The following WRNIP1 variants were observed in gnomAD, a reference collection of about 807,000 sequenced individuals.
WRNIP1 encodes the protein ATPase WRNIP1.
WRNIP1 carries 41 observed loss-of-function variants against 56.1 expected under a neutral mutation model. The ratio of observed to expected loss-of-function variants is 0.73; its 90% CI spans 0.57 to 0.95. The LOEUF (loss-of-function observed/expected upper bound fraction) is 0.95, where lower values mean the gene tolerates loss of function less well. WRNIP1 is among the 40% of genes least tolerant of loss of function. The probability of loss-of-function intolerance (pLI) is 0.00; values close to 1 mark genes in which losing one functional copy is unlikely to be tolerated. For synonymous variants in WRNIP1, 547 were observed against 398.1 expected (o/e 1.37, Z -4.45); for missense variants, 1,170 against 939.4 (o/e 1.25, Z -3.21).
At chr6:2,780,979 T>C (rs893964341) in intron 4 of WRNIP1, among the ~76,000 whole-genome samples, 6 of 152,204 alleles carry the variant, frequency 3.9e-5, no homozygotes, top group Admixed American at 3.9e-4. Context: ...CTATTAATAT[T>C]ACCCCCATTT....
At chr6:2,776,443 G>A (rs1369676570) in intron 3 of WRNIP1, among the ~76,000 whole-genome samples, 1 of 152,200 alleles carries the variant, frequency 6.6e-6, no homozygotes, top group East Asian at 1.9e-4. Flanking sequence ...TTATACCCAA[G>A]GGGAGGAAGA....
Position 2,765,868 on chromosome 6 carries a change from G to A in WRNIP1, c.246G>A (p.Gln82=). The change falls in exon 1 of 7, where the codon CAG becomes CAA. Residue 82 remains glutamine, a synonymous_variant. Transcript: ENST00000380773. ...TGTCGGAGAGCTCGGCGCTGAAGCA[G>A]CCAGCCACCCCGACGGCAGCCGAGA... ...RRLSESSALK[Q]PATPTAAESS... 2.8e-6 allele frequency: 4 copies of A among 1,443,794 alleles called. No homozygotes were observed. The highest frequency in any genetic ancestry group is 1.8e-6 in the Non-Finnish European group (2 of 1,099,764). 89.4% of individuals were successfully genotyped at this position (1,443,794 alleles called of 1,614,324 possible). A position where few individuals can be genotyped will look rare whatever the true frequency, so the allele number is the denominator to read the frequency against.
intron 3 of WRNIP1, among the ~76,000 whole-genome samples, chr6:2,777,979 T>G (rs1272323684): frequency 2.0e-5 from 3 of 152,184 alleles, no homozygotes; most frequent in Non-Finnish European, 2.9e-5. Flanking sequence ...CCACAAGGAA[T>G]AACTGGAAAT....
At chr6:2,766,571 CTT>C in intron 1 of WRNIP1, 127 bp downstream of exon 1, 1 of 1,388,042 alleles carries the variant, frequency 7.2e-7, no homozygotes, top group South Asian at 1.6e-5. Context: ...GGGGTGCAGA[CTT>C]GGGCTGGGCT....
At chr6:2,783,653 T>TTTTTTGTGGGG in intron 5 of WRNIP1, 92 bp downstream of exon 5, 2 of 120,100 alleles carry the variant, frequency 1.7e-5, no homozygotes, top group Non-Finnish European at 2.2e-5. Flanking sequence ...TTTTTTTTTT[T>TTTTTTGTGGGG]GCAGGGCGGG....
chr6:2,779,480 T>C lies in WRNIP1; in HGVS notation c.1474T>C (p.Tyr492His), dbSNP rs1471920385. 1 of 1,613,712 alleles carries C rather than the reference T, an allele frequency of 6.2e-7. No homozygotes were observed. Reference sequence around the variant, plus strand: ...GGGCCTACAGCGATCCCACATTTTATATGACCGGGCAGGTAAGTAATTCAC... The same window carrying C: ...GGGCCTACAGCGATCCCACATTTTACATGACCGGGCAGGTAAGTAATTCAC... ...KEGLQRSHIL[Y>H]DRAGEEHYNC... is the part of the protein sequence containing the mutation. Residue 492 changes from tyrosine to histidine, a missense_variant, in exon 4 of 7, where the codon TAT (tyrosine) becomes CAT (histidine). Transcript: ENST00000380773.
At chr6:2,784,492 A>C in intron 6 of WRNIP1, 89 bp downstream of exon 6, 1 of 1,361,242 alleles carries the variant, frequency 7.3e-7, no homozygotes, top group Non-Finnish European at 1.0e-6. Context: ...TCCCTCCTTC[A>C]CCATTGGTGT....
intron 6 of WRNIP1, 21 bp downstream of exon 6, chr6:2,784,424 C>A: frequency 6.2e-7 from 1 of 1,610,960 alleles, no homozygotes; most frequent in Non-Finnish European, 8.5e-7. Context: ...CAGCTCATTT[C>A]TTGCAAATCA....
At chr6:2,766,855 A>G (rs1413521136) in intron 1 of WRNIP1, among the ~76,000 whole-genome samples, 2 of 152,038 alleles carry the variant, frequency 1.3e-5, no homozygotes, top group Non-Finnish European at 2.9e-5. Context: ...GTACATAATA[A>G]CGGATTCAGC....
In WRNIP1 at chr6:2,785,106, CAGGGGCCA is replaced by C; in HGVS notation, c.1823_1830del (p.Gln608ProfsTer14). On this transcript the variant is annotated frameshift_variant, in exon 7 of 7. Transcript: ENST00000380773. LOFTEE classifies it high-confidence loss of function. ...CGTCAAAGCCTGCCTGAGGAACCAC[CAGGGGCCA>C]CTGCCCCCCGTGCCCCTGCACCTGA... 1 of 1,614,192 alleles carries C rather than the reference CAGGGGCCA, an allele frequency of 6.2e-7. No individual in the cohort carries two copies. Among genetic ancestry groups the C allele is most frequent in the Non-Finnish European group, 8.5e-7 (1 of 1,180,030 alleles).
At chr6:2,784,242 G>A (rs946141942) in intron 5 of WRNIP1, 82 bp from the exon 6 acceptor site, 5 of 1,309,522 alleles carry the variant, frequency 3.8e-6, no homozygotes, top group East Asian at 4.9e-5. Context: ...ACAAGCAGTG[G>A]TGGTCTGTGG....
rs1390641289 is a variant in WRNIP1, at chr6:2,785,086, A to G, written c.1802A>G (p.Lys601Arg). 5 of 1,614,172 alleles carry G rather than the reference A, an allele frequency of 3.1e-6. No individual in the cohort carries two copies. Among genetic ancestry groups the G allele is most frequent in the East Asian group, 2.2e-5 (1 of 44,888 alleles). ...IEVYSAYNNV[K>R]ACLRNHQGPL... ...GTGTACAGCGCCTACAACAACGTCA[A>G]AGCCTGCCTGAGGAACCACCAGGGG... is the stretch of plus-strand genomic sequence containing the variant. Residue 601 changes from lysine (K) to arginine (R), a missense_variant, in exon 7 of 7, where the codon AAA becomes AGA. Physicochemically the swap from Lys to Arg is conservative, Grantham distance 26 (BLOSUM62 2). Transcript: ENST00000380773.
At position 2,768,716 on chromosome 6, in the gene WRNIP1, G is replaced by A; in HGVS notation, c.848G>A (p.Ser283Asn). ...GKTTLAHIIA[S>N]NSKKHSIRFV... Reference sequence around the variant, plus strand: ...ACCACTCTGGCTCACATCATAGCCAGCAACAGCAAGAAACATAGCATAAGG... The same window carrying A: ...ACCACTCTGGCTCACATCATAGCCAACAACAGCAAGAAACATAGCATAAGG... Residue 283 changes from serine (S) to asparagine (N), a missense_variant, in exon 2 of 7, where the codon AGC becomes AAC. Transcript: ENST00000380773. 6.2e-7 allele frequency: 1 copy of A among 1,611,732 alleles called. No individual in the cohort carries two copies. The highest frequency in any genetic ancestry group is 2.2e-5 in the East Asian group (1 of 44,842).
In WRNIP1 at chr6:2,783,463, A is replaced by G; in HGVS notation, c.1544A>G (p.Gln515Arg). The G allele has an allele frequency of 1.2e-6, 2 of 1,613,950 alleles. No homozygotes were observed. Among genetic ancestry groups the G allele is most frequent in the Non-Finnish European group, 1.7e-6 (2 of 1,179,932 alleles). The change falls in exon 5 of 7, where the codon CAG becomes CGG. Residue 515 changes from glutamine to arginine, a missense_variant. Physicochemically the swap from Gln to Arg is conservative, Grantham distance 43. Transcript: ENST00000380773. ...CACAAGTCCATGCGGGGCTCAGACC[A>G]GAACGCCTCCCTCTACTGGCTGGCT... Reference protein sequence around the residue: ...ALHKSMRGSDQNASLYWLARM... With the variant: ...ALHKSMRGSDRNASLYWLARM...
intron 4 of WRNIP1, 99 bp downstream of exon 4, chr6:2,779,591 A>C: frequency 7.9e-7 from 1 of 1,270,502 alleles, no homozygotes; most frequent in Non-Finnish European, 1.1e-6. Context: ...GAAGCATTCC[A>C]GCTGGGTCCA....
chr6:2,769,399 C>T (rs1279208846), intron 2 of WRNIP1, among the ~76,000 whole-genome samples: 2 of 151,768 alleles, frequency 1.3e-5, no homozygotes, highest in Non-Finnish European at 2.9e-5. Flanking sequence ...AACAAAGCCA[C>T]TTAGGGATTT....
At position 2,770,222 on chromosome 6, in the gene WRNIP1, C is replaced by A. The variant is rs763073963; in HGVS notation, c.1117C>A (p.Arg373=). 2.5e-6 allele frequency: 4 copies of A among 1,614,164 alleles called. No homozygotes were observed. Among genetic ancestry groups the A allele is most frequent in the Non-Finnish European group, 3.4e-6 (4 of 1,180,044 alleles). The part of the protein sequence containing the change: ...QVNAALLSRC[R]VIVLEKLPVE... Reference sequence around the variant, plus strand: ...CAACGCTGCTCTTCTGAGCCGCTGTCGAGTGATTGTTCTTGAGAAGCTTCC... The same window carrying A: ...CAACGCTGCTCTTCTGAGCCGCTGTAGAGTGATTGTTCTTGAGAAGCTTCC... Residue 373 remains arginine (R), a synonymous_variant, in exon 3 of 7, where the codon CGA becomes AGA. Coordinates refer to ENST00000380773, the MANE Select transcript of WRNIP1 (RefSeq NM_020135.3).
chr6:2,776,345 C>A (rs1261636340), intron 3 of WRNIP1, among the ~76,000 whole-genome samples: 1 of 152,226 alleles, frequency 6.6e-6, no homozygotes, highest in African/African-American at 2.4e-5. Context: ...TCAGCAGGTC[C>A]TGTATTACTT....
chr6:2,777,717 G>C (rs1046954855), intron 3 of WRNIP1, among the ~76,000 whole-genome samples: 2 of 152,182 alleles, frequency 1.3e-5, no homozygotes, highest in Admixed American at 6.5e-5. Context: ...TCATCTTCCA[G>C]AAGACTTGCT....
Sources: gnomAD v4.1 joint callset for allele counts (sites outside exome capture counted in the v4.1 genomes callset) on GRCh38, gnomAD v4.1.1 for gene constraint, MANE v1.5 for transcripts, NCBI Gene and HGNC (gene_info 2026-07-23, HGNC 2026-07-21) for gene names.